MMP20: variants seen among roughly 807,000 people sequenced by gnomAD.
MMP20 encodes matrix metalloproteinase-20.
In MMP20, 50 loss-of-function variants were observed where a neutral mutation model predicts 51.8. That is an observed-to-expected ratio of 0.97 (90% CI 0.77 to 1.22). MMP20 has a LOEUF of 1.22. Ranked by LOEUF, MMP20 falls within the 50% of genes most tolerant of loss-of-function variation. The pLI is 0.00. For missense variants in MMP20, 663 were observed against 601.4 expected (o/e 1.10, Z -1.07); for synonymous variants, 244 against 216.2 (o/e 1.13, Z -1.13).
chr11:102,586,292 G>A (rs982613494), intron 8 of MMP20, among the ~76,000 whole-genome samples: 7 of 152,214 alleles, frequency 4.6e-5, no homozygotes, highest in Non-Finnish European at 1.0e-4. Context: ...TTTCTTTGTG[G>A]ATAGTTTTTG....
intron 2 of MMP20, among the ~76,000 whole-genome samples, chr11:102,612,343 T>G (rs1266804292): frequency 6.6e-6 from 1 of 152,198 alleles, no homozygotes; most frequent in Non-Finnish European, 1.5e-5. Flanking sequence ...TGCAAACCTG[T>G]AGTCCCAGTT....
At chr11:102,605,047 T>C (rs1189105898) in intron 6 of MMP20, among the ~76,000 whole-genome samples, 1 of 152,122 alleles carries the variant, frequency 6.6e-6, no homozygotes, top group Non-Finnish European at 1.5e-5. Flanking sequence ...AAGAAGTAAT[T>C]AGGGTTAGTG....
chr11:102,598,763 T>C (rs1859412091), intron 6 of MMP20, among the ~76,000 whole-genome samples: 1 of 152,200 alleles, frequency 6.6e-6, no homozygotes, highest in Admixed American at 6.5e-5. Context: ...AGGGACTTGA[T>C]GCATGTTGTT....
chr11:102,602,110 C>G (rs1171430271), intron 6 of MMP20, among the ~76,000 whole-genome samples: 1 of 132,600 alleles, frequency 7.5e-6, no homozygotes, highest in African/African-American at 2.8e-5. Context: ...CCACCACGCC[C>G]GGCTAATTTT....
intron 8 of MMP20, among the ~76,000 whole-genome samples, chr11:102,579,446 G>A (rs1324441646): frequency 1.3e-5 from 2 of 151,774 alleles, no homozygotes; most frequent in Admixed American, 6.6e-5. Flanking sequence ...CTGAGTAGCT[G>A]GGACTACAGG....
chr11:102,617,037 G>C lies in MMP20; in HGVS notation c.149C>G (p.Thr50Arg). 2 of 1,614,168 alleles carry C rather than the reference G, an allele frequency of 1.2e-6. No homozygotes were observed. The highest frequency in any genetic ancestry group is 1.7e-6 in the Non-Finnish European group (2 of 1,180,024). ...ACCAATCTGGTGTCCTTCTTTATTT[G>C]TGTAATATTTGTCAAGATACGCCTG... ...LAQAYLDKYY[T>R]NKEGHQIGEM... is the part of the protein sequence containing the mutation. Residue 50 changes from threonine (T) to arginine (R), a missense_variant, in exon 2 of 10, where the codon ACA (threonine) becomes AGA (arginine). Physicochemically the swap from Thr to Arg is moderately conservative, Grantham distance 71. Coordinates refer to ENST00000260228, the MANE Select transcript of MMP20 (RefSeq NM_004771.4).
intron 2 of MMP20, among the ~76,000 whole-genome samples, chr11:102,615,099 A>AT (rs1489942462): frequency 6.8e-6 from 1 of 147,602 alleles, no homozygotes; most frequent in African/African-American, 2.5e-5. Flanking sequence ...ATTTAATGTA[A>AT]TTTATTAAAT....
At chr11:102,578,866 TAC>T (rs1859160054) in intron 9 of MMP20, among the ~76,000 whole-genome samples, 171 bp downstream of exon 9, 1 of 152,226 alleles carries the variant, frequency 6.6e-6, no homozygotes, top group Non-Finnish European at 1.5e-5. Flanking sequence ...CCAGAACTTT[TAC>T]AGTTACTCTT....
intron 8 of MMP20, among the ~76,000 whole-genome samples, chr11:102,584,141 C>G (rs1859228018): frequency 6.6e-6 from 1 of 152,114 alleles, no homozygotes; most frequent in Non-Finnish European, 1.5e-5. Context: ...TTGGGTATAT[C>G]CTCAAGAAAG....
chr11:102,604,693 T>C (rs1290631819), intron 6 of MMP20, among the ~76,000 whole-genome samples: 1 of 152,210 alleles, frequency 6.6e-6, no homozygotes, highest in African/African-American at 2.4e-5. Context: ...CTGTTTCTAA[T>C]TTTTAAAAAT....
chr11:102,616,837 A>G lies in MMP20; in HGVS notation c.349T>C (p.Trp117Arg), dbSNP rs1565400134. The G allele has an allele frequency of 1.2e-6, 2 of 1,614,026 alleles. No individual in the cohort carries two copies. The highest frequency in any genetic ancestry group is 1.3e-5 in the African/African-American group (1 of 75,018). ...NYRLFPGEPK[W>R]KKNTLTYRIS... ...CTGTATGTCAAAGTATTTTTTTTCCATTTGGGTTCACCAGGGAAGAGGCGA... is the reference window on the plus strand; with the variant it reads ...CTGTATGTCAAAGTATTTTTTTTCCGTTTGGGTTCACCAGGGAAGAGGCGA... The change falls in exon 2 of 10, where the codon TGG becomes CGG. Residue 117 changes from tryptophan (W) to arginine (R), a missense_variant. Transcript: ENST00000260228.
intron 6 of MMP20, among the ~76,000 whole-genome samples, chr11:102,602,219 C>T (rs1235768020): frequency 2.0e-5 from 3 of 149,770 alleles, no homozygotes; most frequent in African/African-American, 7.4e-5. Context: ...CTGCCCACCT[C>T]GGCCTCCCAA....
At chr11:102,616,649 C>T (rs973122980) in intron 2 of MMP20, among the ~76,000 whole-genome samples, 163 bp downstream of exon 2, 2 of 152,110 alleles carry the variant, frequency 1.3e-5, no homozygotes, top group Non-Finnish European at 2.9e-5. Flanking sequence ...TGGTGAATTG[C>T]CCATTGTCAT....
chr11:102,605,807 G>A (rs1859507418), intron 6 of MMP20, among the ~76,000 whole-genome samples: 2 of 152,170 alleles, frequency 1.3e-5, no homozygotes, highest in African/African-American at 4.8e-5. Flanking sequence ...AGGGAGGAAT[G>A]GGGTGAATGT....
intron 3 of MMP20, among the ~76,000 whole-genome samples, chr11:102,610,470 T>C (rs1859583933): frequency 6.6e-6 from 1 of 152,088 alleles, no homozygotes; most frequent in African/African-American, 2.4e-5. Context: ...GCTGAGACAG[T>C]GATAGTGAAT....
intron 8 of MMP20, among the ~76,000 whole-genome samples, chr11:102,582,489 T>C (rs1432430457): frequency 1.3e-5 from 2 of 152,216 alleles, no homozygotes; most frequent in East Asian, 3.8e-4. Flanking sequence ...TTGAAGTTAA[T>C]GATTTCAGCC....
chr11:102,589,089 T>C (rs905980865), intron 8 of MMP20, among the ~76,000 whole-genome samples: 1 of 152,226 alleles, frequency 6.6e-6, no homozygotes, highest in Admixed American at 6.5e-5. Context: ...TAGAAAGGCA[T>C]TGACACTACA....
chr11:102,582,389 G>T (rs1859207553), intron 8 of MMP20, among the ~76,000 whole-genome samples: 1 of 152,176 alleles, frequency 6.6e-6, no homozygotes, highest in African/African-American at 2.4e-5. Flanking sequence ...TACTGATAAG[G>T]TTTCTAAGAT....
In MMP20 at chr11:102,577,283, C is replaced by T. The variant is rs1338258938; in HGVS notation, c.*43G>A. 10 of 1,337,052 alleles carry T rather than the reference C, an allele frequency of 7.5e-6. No homozygotes were observed. The highest frequency in any genetic ancestry group is 1.4e-5 in the African/African-American group (1 of 69,238). 82.8% of individuals were successfully genotyped at this position (1,337,052 alleles called of 1,614,324 possible). ...GTCCTTAAGATCCAGTTAGAGGCTG[C>T]TTGTAGTCATCCTCATTGCTTGAGA... On this transcript the variant is annotated 3_prime_UTR_variant, in exon 10 of 10. Transcript: ENST00000260228.
Sources: gnomAD v4.1 joint callset for allele counts (sites outside exome capture counted in the v4.1 genomes callset) on GRCh38, gnomAD v4.1.1 for gene constraint, MANE v1.5 for transcripts, NCBI Gene and HGNC (gene_info 2026-07-23, HGNC 2026-07-21) for gene names.